Variants in SLC30A8 observed in about 807,000 individuals in gnomAD.
The protein encoded by SLC30A8 is proton-coupled zinc antiporter SLC30A8.
Under a neutral mutation model 36.9 loss-of-function variants are expected in SLC30A8, and 27 were observed. The observed-to-expected ratio is 0.73, with a 90% confidence interval of 0.54 to 1.01. SLC30A8 has a LOEUF of 1.01. Ranked by LOEUF, SLC30A8 falls within the 50% of genes least tolerant of loss-of-function variation. The pLI is 0.00. For missense variants in SLC30A8, 439 were observed against 452.0 expected, an observed-to-expected ratio of 0.97 and a Z score of 0.26; for synonymous variants, 164 against 172.4, an observed-to-expected ratio of 0.95 and a Z score of 0.38.
At chr8:117,020,735 G>A (rs1554624256) in intron 1 of SLC30A8, among the ~76,000 whole-genome samples, 2 of 152,018 alleles carry the variant, frequency 1.3e-5, no homozygotes, top group Non-Finnish European at 2.9e-5. Flanking sequence ...GAGAGATATT[G>A]GTATTGTATT....
rs539923156 is a variant in SLC30A8 at position 117,090,063 on chromosome 8, C to G, written c.-225-45217C>G. On this transcript the variant is annotated intron_variant, in intron 2 of 10. Coordinates refer to the SLC30A8 transcript ENST00000427715. ...TCTCGGCTCACTGCAACCTCTGCCT[C>G]CCAGGTTCAAGCGATTCTTCTGCCT... 4.6e-5 allele frequency among the ~76,000 whole-genome samples: 7 copies of G among 152,204 alleles called. No homozygotes were observed. The East Asian group carries it at 1.4e-3, about 29-fold the overall frequency.
Position 117,017,297 on chromosome 8 carries a change from C to G in SLC30A8, c.-265-21922C>G, listed in dbSNP as rs542967073. On this transcript the variant is annotated intron_variant, in intron 1 of 10. Coordinates refer to the SLC30A8 transcript ENST00000427715. ...GCTGAGGGTGGATTTGTGGTTTTCT[C>G]TTGTGTTCTAATATCAACCTGCTCT... Among the ~76,000 whole-genome samples the G allele has an allele frequency of 1.9e-4, 29 of 152,214 alleles. No individual in the cohort carries two copies. The East Asian group carries it at 5.4e-3, about 28-fold the overall frequency.
intron 2 of SLC30A8, among the ~76,000 whole-genome samples, chr8:117,097,130 TG>T (rs1459228706): frequency 6.6e-6 from 1 of 151,756 alleles, no homozygotes; most frequent in Non-Finnish European, 1.5e-5. Context: ...CTGCGTGTAG[TG>T]GCTCACGCCT....
rs1263732404 is a variant in SLC30A8 at position 117,173,378 on chromosome 8, G to C, written c.*697G>C. 1 of 152,052 alleles carries C rather than the reference G, an allele frequency of 6.6e-6. No individual in the cohort carries two copies. The highest frequency in any genetic ancestry group is 1.5e-5 in the Non-Finnish European group (1 of 67,984). 9.4% of individuals were successfully genotyped at this position (152,052 alleles called of 1,614,324 possible). ...CACCTACCAGAGTGCTTAAACACTG[G>C]CACCAGCCAAAGAATGTGGTTGTAG... is the stretch of plus-strand genomic sequence containing the variant. On this transcript the variant is annotated 3_prime_UTR_variant, in exon 8 of 8. Transcript: ENST00000456015.
chr8:116,973,083 G>T (rs1814846286), intron 1 of SLC30A8, among the ~76,000 whole-genome samples: 1 of 152,150 alleles, frequency 6.6e-6, no homozygotes, highest in Non-Finnish European at 1.5e-5. Flanking sequence ...GAGCTGCCTT[G>T]TCTCTTTCTA....
At chr8:117,001,180 G>T (rs988187321) in intron 1 of SLC30A8, among the ~76,000 whole-genome samples, 2 of 141,582 alleles carry the variant, frequency 1.4e-5, no homozygotes, top group African/African-American at 2.6e-5. Context: ...AACCAATAAC[G>T]TAGGAGAAAA....
intron 1 of SLC30A8, among the ~76,000 whole-genome samples, chr8:117,000,169 G>A (rs547131612): frequency 2.0e-5 from 3 of 152,312 alleles, no homozygotes; most frequent in Admixed American, 6.5e-5. Flanking sequence ...CTTATGTGTT[G>A]TGGATAACAG....
chr8:117,032,045 G>T (rs1418747638), intron 1 of SLC30A8, among the ~76,000 whole-genome samples: 1 of 151,930 alleles, frequency 6.6e-6, no homozygotes, highest in Non-Finnish European at 1.5e-5. Flanking sequence ...TTATCTTGCG[G>T]TTGTATGCTC....
intron 1 of SLC30A8, among the ~76,000 whole-genome samples, chr8:116,990,891 A>G (rs1251739541): frequency 6.6e-6 from 1 of 152,176 alleles, no homozygotes; most frequent in Non-Finnish European, 1.5e-5. Flanking sequence ...AAGTGAATGA[A>G]ACTTGTTAAA....
At chr8:117,035,025 CTG>C (rs1408714408) in intron 1 of SLC30A8, among the ~76,000 whole-genome samples, 1 of 152,170 alleles carries the variant, frequency 6.6e-6, no homozygotes, top group East Asian at 1.9e-4. Flanking sequence ...TCTCTCGACA[CTG>C]TGGGGATTAC....
chr8:117,015,655 T>C (rs893916711), intron 1 of SLC30A8, among the ~76,000 whole-genome samples: 8 of 152,132 alleles, frequency 5.3e-5, no homozygotes, highest in African/African-American at 1.9e-4. Flanking sequence ...ACCCACCTTT[T>C]TTTTCTGGAG....
chr8:117,172,444 A>T, intron 7 of SLC30A8, 92 bp from the exon 8 acceptor site: 1 of 1,558,364 alleles, frequency 6.4e-7, no homozygotes, highest in Non-Finnish European at 8.8e-7. Flanking sequence ...CCACCCCAGC[A>T]GGTCAAAGAC....
At chr8:117,046,839 C>T (rs1452438059) in intron 2 of SLC30A8, among the ~76,000 whole-genome samples, 1 of 152,242 alleles carries the variant, frequency 6.6e-6, no homozygotes, top group Non-Finnish European at 1.5e-5. Context: ...TTTAGCTTGC[C>T]ATTGCACTAA....
chr8:117,136,243 A>C (rs916280205), intron 1 of SLC30A8, among the ~76,000 whole-genome samples: 1 of 152,018 alleles, frequency 6.6e-6, no homozygotes, highest in Non-Finnish European at 1.5e-5. Context: ...AGTTTTAAGG[A>C]AAGTTTCCCA....
At chr8:117,165,252 G>C (rs1417316977) in intron 6 of SLC30A8, among the ~76,000 whole-genome samples, 1 of 152,262 alleles carries the variant, frequency 6.6e-6, no homozygotes, top group East Asian at 1.9e-4. Context: ...GAGAGGATTA[G>C]ATGAAATAAA....
intron 2 of SLC30A8, among the ~76,000 whole-genome samples, chr8:117,093,434 T>C (rs1819221284): frequency 6.6e-6 from 1 of 151,802 alleles, no homozygotes; most frequent in Non-Finnish European, 1.5e-5. Flanking sequence ...TTGGTTCTTC[T>C]AAGTATTTCT....
At chr8:116,988,832 C>T (rs1815537739) in intron 1 of SLC30A8, among the ~76,000 whole-genome samples, 1 of 152,234 alleles carries the variant, frequency 6.6e-6, no homozygotes, top group South Asian at 2.1e-4. Flanking sequence ...TCTACTACTT[C>T]TCTGAATTAT....
chr8:116,977,344 G>A (rs1196913055), intron 1 of SLC30A8, among the ~76,000 whole-genome samples: 5 of 145,504 alleles, frequency 3.4e-5, no homozygotes, highest in Admixed American at 6.9e-5. Flanking sequence ...TAGTAGAGAC[G>A]GGGTTTCACT....
Position 117,172,717 on chromosome 8 carries a change from C to T in SLC30A8, c.*36C>T. On this transcript the variant is annotated 3_prime_UTR_variant, in exon 8 of 8. Transcript: ENST00000456015. ...CCGTCAGTTTCCCAAATTTGACAGGCCACCTTCAAACATGCTGCTATGCAG... is the reference window on the plus strand; with the variant it reads ...CCGTCAGTTTCCCAAATTTGACAGGTCACCTTCAAACATGCTGCTATGCAG... The T allele has an allele frequency of 1.2e-6, 2 of 1,610,958 alleles. No individual in the cohort carries two copies. The highest frequency in any genetic ancestry group is 1.7e-6 in the Non-Finnish European group (2 of 1,177,596).
Sources: allele counts gnomAD v4.1 joint callset (sites outside exome capture counted in the v4.1 genomes callset), GRCh38; gene constraint gnomAD v4.1.1; transcripts MANE v1.5; gene names NCBI Gene and HGNC (gene_info 2026-07-23, HGNC 2026-07-21).